The following PPP1R12C variants were observed in gnomAD, a reference collection of about 807,000 sequenced individuals.
PPP1R12C encodes protein phosphatase 1 regulatory subunit 12C, also known as leukocyte receptor cluster (LRC) encoded novel gene 3.
PPP1R12C carries 48 observed loss-of-function variants against 95.6 expected under a neutral mutation model. The ratio of observed to expected loss-of-function variants is 0.50; its 90% confidence interval spans 0.40 to 0.64. The LOEUF is 0.64. Ranked by LOEUF, PPP1R12C falls within the 30% of genes least tolerant of loss-of-function variation. The probability of loss-of-function intolerance (pLI) is 0.00; values close to 1 mark genes in which losing one functional copy is unlikely to be tolerated. For synonymous variants in PPP1R12C, 480 were observed against 460.8 expected (o/e 1.04, Z -0.53); for missense variants, 1,057 against 1,083.3 (o/e 0.98, Z 0.34).
Position 55,117,350 on chromosome 19 carries a change from T to A in PPP1R12C, c.194A>T (p.Asp65Val). 1 of 1,139,464 alleles carries A rather than the reference T, an allele frequency of 8.8e-7. No individual in the cohort carries two copies. The highest frequency in any genetic ancestry group is 1.1e-6 in the Non-Finnish European group (1 of 930,034). 70.6% of individuals were successfully genotyped at this position (1,139,464 alleles called of 1,614,324 possible). ...GGCGCGCAGCATCAGACGCGCCTCG[T>A]CCAGGTCGCCGCCCGCACAGGCCGC... ...FLAACAGGDLDEARLMLRAAD... is the reference protein window; with the variant it reads ...FLAACAGGDLVEARLMLRAAD... Residue 65 changes from aspartate to valine, a missense_variant, in exon 1 of 22, where the codon GAC (aspartate) becomes GTC (valine). Transcript: ENST00000263433.
Position 55,096,104 on chromosome 19 carries a change from C to A in PPP1R12C, c.1100G>T (p.Gly367Val). ...GTCCTGGATGGGGGGCCCCCCAGCC[C>A]CACCAGGCCGGCGCTCCTTGGACAA... ...QDLSKERRPG[G>V]AGGPPIQDED... Residue 367 changes from glycine (G) to valine (V), a missense_variant, in exon 8 of 22, where the codon GGG becomes GTG. This residue lies in a region of PPP1R12C where 356 missense variants were observed against 330.5 expected (regional missense o/e 1.08). Coordinates refer to ENST00000263433, the MANE Select transcript of PPP1R12C (RefSeq NM_017607.4). 6.2e-7 allele frequency: 1 copy of A among 1,600,004 alleles called. No homozygotes were observed. Among genetic ancestry groups the A allele is most frequent in the Non-Finnish European group, 8.5e-7 (1 of 1,174,688 alleles).
intron 3 of PPP1R12C, among the ~76,000 whole-genome samples, chr19:55,106,181 T>C (rs1229364601): frequency 6.6e-6 from 1 of 151,844 alleles, no homozygotes. Context: ...ATTCATTGTC[T>C]AGCCCTTTAC....
Position 55,112,728 on chromosome 19 carries a change from G to T in PPP1R12C, c.389C>A (p.Ala130Glu). The change falls in exon 2 of 22, where the codon GCA (alanine) becomes GAA (glutamate). Residue 130 changes from alanine (A) to glutamate (E), a missense_variant. Ala to Glu is a moderately radical substitution (Grantham distance 107, BLOSUM62 -1). Transcript: ENST00000263433. Reference protein sequence around the residue: ...LVEQGATVNQADNEGWTPLHV... With the variant: ...LVEQGATVNQEDNEGWTPLHV... Reference sequence around the variant, plus strand: ...CAGTGGCGTCCAGCCCTCGTTGTCTGCCTGGTTCACAGTGGCGCCCTGCTC... The same window carrying T: ...CAGTGGCGTCCAGCCCTCGTTGTCTTCCTGGTTCACAGTGGCGCCCTGCTC... 6.2e-7 allele frequency: 1 copy of T among 1,613,848 alleles called. No homozygotes were observed. Among genetic ancestry groups the T allele is most frequent in the South Asian group, 1.1e-5 (1 of 91,084 alleles).
chr19:55,098,084 A>G (rs1396479123), intron 6 of PPP1R12C, among the ~76,000 whole-genome samples: 1 of 152,198 alleles, frequency 6.6e-6, no homozygotes, highest in Non-Finnish European at 1.5e-5. Flanking sequence ...CCCACGCACC[A>G]GAAGCCCTAG....
chr19:55,099,965 T>C (rs1365094840), intron 4 of PPP1R12C, among the ~76,000 whole-genome samples: 1 of 152,210 alleles, frequency 6.6e-6, no homozygotes. Context: ...AGAGGCCTTA[T>C]AAGCACAAGT....
intron 3 of PPP1R12C, chr19:55,111,578 C>G (rs1273105839): frequency 6.6e-6 from 1 of 152,166 alleles, no homozygotes; most frequent in African/African-American, 2.4e-5. Context: ...TCCCGCATGG[C>G]TCTCGTGGAC....
intron 4 of PPP1R12C, among the ~76,000 whole-genome samples, chr19:55,101,957 C>T (rs1249215339): frequency 1.3e-5 from 2 of 151,900 alleles, no homozygotes; most frequent in African/African-American, 2.4e-5. Flanking sequence ...TGTACCTCAC[C>T]GAGAAAACCT....
chr19:55,095,694 A>G, intron 9 of PPP1R12C, 91 bp from the exon 10 acceptor site: 4 of 1,498,808 alleles, frequency 2.7e-6, no homozygotes, highest in East Asian at 4.7e-5. Context: ...ACAAACTACA[A>G]TTCCCATCAG....
chr19:55,092,811 ACCTTGCGGTGCTC>A lies in PPP1R12C; in HGVS notation c.1870_1882del (p.Glu624SerfsTer74). 6.4e-7 allele frequency: 1 copy of A among 1,560,650 alleles called. No individual in the cohort carries two copies. Among genetic ancestry groups the A allele is most frequent in the Non-Finnish European group, 8.7e-7 (1 of 1,153,208 alleles). On this transcript the variant is annotated frameshift_variant, in exon 16 of 22. Coordinates refer to ENST00000263433, the MANE Select transcript of PPP1R12C (RefSeq NM_017607.4). LOFTEE classifies it high-confidence loss of function. ...CGCAGGCCCCCTCCACTCCTTTCCG[ACCTTGCGGTGCTC>A]CCTGGCCGCCTGCGGTCCCGGACCC...
chr19:55,103,325 T>C (rs572901484), intron 4 of PPP1R12C, 84 bp downstream of exon 4: 3 of 1,290,552 alleles, frequency 2.3e-6, no homozygotes, highest in African/African-American at 3.0e-5. Flanking sequence ...TAGCCTTCGG[T>C]ACATACATTT....
At chr19:55,112,885 C>A in intron 1 of PPP1R12C, 90 bp from the exon 2 acceptor site, 1 of 1,545,232 alleles carries the variant, frequency 6.5e-7, no homozygotes, top group South Asian at 1.1e-5. Flanking sequence ...GAAAACAGAT[C>A]CAGGGACACG....
At chr19:55,113,387 C>A (rs754976448) in intron 1 of PPP1R12C, 5 of 1,463,192 alleles carry the variant, frequency 3.4e-6, no homozygotes, top group Non-Finnish European at 4.5e-6. Context: ...GAGACAGCTG[C>A]ACACCTGTGT....
chr19:55,092,745 A>AC (rs1364144749), intron 16 of PPP1R12C, 38 bp downstream of exon 16: 1 of 1,445,202 alleles, frequency 6.9e-7, no homozygotes, highest in African/African-American at 1.5e-5. Flanking sequence ...CCCCCGGCCC[A>AC]CCCTCTGCAC....
intron 6 of PPP1R12C, among the ~76,000 whole-genome samples, chr19:55,097,675 T>A (rs1367895851): frequency 6.9e-6 from 1 of 145,856 alleles, no homozygotes; most frequent in African/African-American, 2.5e-5. Context: ...CTTCGCCCCT[T>A]CCCCGCGCAG....
At position 55,091,251 on chromosome 19, in the gene PPP1R12C, C is replaced by T; in HGVS notation, c.*221G>A. 1.7e-6 allele frequency: 1 copy of T among 587,600 alleles called. No individual in the cohort carries two copies. Among genetic ancestry groups the T allele is most frequent in the East Asian group, 2.9e-5 (1 of 35,058 alleles). 36.4% of individuals were successfully genotyped at this position (587,600 alleles called of 1,614,324 possible). A position where few individuals can be genotyped will look rare whatever the true frequency, so the allele number is the denominator to read the frequency against. ...CGTCTCTGGCCCTGGTCCCCTCTGGCAACGTCCCCCTGCTTGGCTCGGCCT... is the reference window on the plus strand; with the variant it reads ...CGTCTCTGGCCCTGGTCCCCTCTGGTAACGTCCCCCTGCTTGGCTCGGCCT... On this transcript the variant is annotated 3_prime_UTR_variant, in exon 22 of 22. Coordinates refer to ENST00000263433, the MANE Select transcript of PPP1R12C (RefSeq NM_017607.4).
intron 3 of PPP1R12C, among the ~76,000 whole-genome samples, chr19:55,105,194 G>C (rs2085024800): frequency 1.3e-5 from 2 of 151,752 alleles, no homozygotes; most frequent in Non-Finnish European, 2.9e-5. Context: ...GCCTCCCAAA[G>C]CCGGCATGAG....
At chr19:55,093,131 C>A (rs2084867120) in intron 14 of PPP1R12C, 22 bp downstream of exon 14, 2 of 1,613,406 alleles carry the variant, frequency 1.2e-6, no homozygotes, top group Middle Eastern at 1.6e-4. Context: ...CCACCCCACT[C>A]GCCCTCGCTG....
Position 55,112,526 on chromosome 19 carries a change from A to G in PPP1R12C, c.512T>C (p.Leu171Pro), listed in dbSNP as rs751167555. Residue 171 changes from leucine (L) to proline (P), a missense_variant, in exon 3 of 22, where the codon CTG (leucine) becomes CCG (proline). By Grantham distance (98) the Leu-to-Pro change is moderately conservative. Around this residue, in one of 5 missense-constraint regions of PPP1R12C, gnomAD observed 282 missense variants for 380.4 expected, o/e 0.74. Coordinates refer to ENST00000263433, the MANE Select transcript of PPP1R12C (RefSeq NM_017607.4). ...AAVNSDGDLP[L>P]DLAESDAMEG... is the part of the protein sequence containing the mutation. ...CATGGCGTCCGACTCGGCCAGGTCC[A>G]GGGGCAGGTCCCCGTCACTGTTGAC... is the stretch of plus-strand genomic sequence containing the variant. The G allele has an allele frequency of 7.4e-6, 12 of 1,613,140 alleles. No individual in the cohort carries two copies. In the South Asian group the frequency reaches 1.1e-4, roughly 15 times the overall value.
chr19:55,099,959 G>GC (rs2068399848), intron 4 of PPP1R12C, among the ~76,000 whole-genome samples: 1 of 152,140 alleles, frequency 6.6e-6, no homozygotes, highest in Admixed American at 6.5e-5. Context: ...CTACAAAGAG[G>GC]CCTTATAAGC....
Sources: allele counts gnomAD v4.1 joint callset (sites outside exome capture counted in the v4.1 genomes callset), GRCh38; gene constraint gnomAD v4.1.1; regional missense constraint gnomAD v4.1.1; transcripts MANE v1.5; gene names NCBI Gene and HGNC (gene_info 2026-07-23, HGNC 2026-07-21).